NTM: variants seen among roughly 807,000 people sequenced by gnomAD.
The protein encoded by NTM is IgLON family member 2.
In NTM, 13 loss-of-function variants were observed where a neutral mutation model predicts 42.1. The observed-to-expected ratio is 0.31, with a 90% CI of 0.20 to 0.49. The LOEUF (loss-of-function observed/expected upper bound fraction) is 0.49. Ranked by LOEUF, NTM falls within the 20% of genes least tolerant of loss-of-function variation. The pLI, the probability that NTM is intolerant of heterozygous loss-of-function variation, is 0.99. For missense variants in NTM, 373 were observed against 452.8 expected, an observed-to-expected ratio of 0.82 and a Z score of 1.60; for synonymous variants, 187 against 179.2, an observed-to-expected ratio of 1.04 and a Z score of -0.35.
At chr11:132,077,798 C>T (rs1267723383) in intron 2 of NTM, among the ~76,000 whole-genome samples, 1 of 152,194 alleles carries the variant, frequency 6.6e-6, no homozygotes, top group Non-Finnish European at 1.5e-5. Flanking sequence ...AAAGGATCTC[C>T]CTTTGTTGCC....
intron 1 of NTM, among the ~76,000 whole-genome samples, chr11:131,636,753 T>C (rs2064450068): frequency 6.6e-6 from 1 of 152,340 alleles, no homozygotes; most frequent in Non-Finnish European, 1.5e-5. Flanking sequence ...AGTGACTGTA[T>C]GTCTGTGAGG....
chr11:132,079,888 C>T (rs1321042088), intron 2 of NTM, among the ~76,000 whole-genome samples: 5 of 152,100 alleles, frequency 3.3e-5, no homozygotes, highest in African/African-American at 9.7e-5. Flanking sequence ...TATAAGTTTT[C>T]CTTTGCTTGA....
intron 2 of NTM, among the ~76,000 whole-genome samples, chr11:131,974,040 TTC>T (rs2063949443): frequency 6.7e-6 from 1 of 150,264 alleles, no homozygotes; most frequent in Admixed American, 6.7e-5. Context: ...CATATATTTT[TTC>T]TTTCTTGTTA....
At chr11:132,175,066 T>G (rs2076606968) in intron 3 of NTM, among the ~76,000 whole-genome samples, 1 of 152,174 alleles carries the variant, frequency 6.6e-6, no homozygotes, top group Admixed American at 6.5e-5. Context: ...TCTTGGAATG[T>G]GGGAGGCTGC....
intron 1 of NTM, among the ~76,000 whole-genome samples, chr11:131,831,130 C>A (rs961177111): frequency 6.6e-6 from 1 of 152,074 alleles, no homozygotes; most frequent in Non-Finnish European, 1.5e-5. Context: ...AGTTTGACTT[C>A]TTTTTTTCCT....
intron 1 of NTM, among the ~76,000 whole-genome samples, chr11:131,700,085 G>A (rs1056533762): frequency 6.6e-6 from 1 of 151,996 alleles, no homozygotes; most frequent in African/African-American, 2.4e-5. Context: ...TAGTGATGTT[G>A]GGCACAAACT....
At chr11:132,183,495 C>A (rs930711051) in intron 3 of NTM, among the ~76,000 whole-genome samples, 1 of 152,110 alleles carries the variant, frequency 6.6e-6, no homozygotes, top group African/African-American at 2.4e-5. Flanking sequence ...TAGCAGGCAT[C>A]ATAGTTATGA....
intron 4 of NTM, among the ~76,000 whole-genome samples, chr11:132,291,650 G>T (rs957611840): frequency 1.3e-5 from 2 of 152,196 alleles, no homozygotes; most frequent in African/African-American, 4.8e-5. Flanking sequence ...CTAGAACCTA[G>T]CCCTGAGGAG....
intron 2 of NTM, among the ~76,000 whole-genome samples, chr11:131,989,462 A>T (rs2066635226): frequency 6.6e-6 from 1 of 152,188 alleles, no homozygotes; most frequent in African/African-American, 2.4e-5. Flanking sequence ...AACTCATAGG[A>T]ATTATTCACT....
intron 1 of NTM, among the ~76,000 whole-genome samples, chr11:131,629,722 C>T (rs1381603352): frequency 6.6e-6 from 1 of 152,120 alleles, no homozygotes; most frequent in African/African-American, 2.4e-5. Context: ...GAGGACAGAA[C>T]CTCATTTGCT....
intron 1 of NTM, among the ~76,000 whole-genome samples, chr11:131,617,070 A>T (rs2062012626): frequency 6.6e-6 from 1 of 152,144 alleles, no homozygotes; most frequent in Non-Finnish European, 1.5e-5. Flanking sequence ...TATTAGGCAA[A>T]GTCAGAATTG....
At chr11:131,778,298 G>T (rs2087427151) in intron 1 of NTM, among the ~76,000 whole-genome samples, 1 of 152,200 alleles carries the variant, frequency 6.6e-6, no homozygotes, top group African/African-American at 2.4e-5. Flanking sequence ...TGAATGATTT[G>T]CCAAAAGATA....
At chr11:131,960,862 C>G (rs377616170) in intron 2 of NTM, among the ~76,000 whole-genome samples, 16 of 152,214 alleles carry the variant, frequency 1.1e-4, no homozygotes, top group African/African-American at 3.6e-4. Context: ...ATACCTGGAA[C>G]TTTCATCCTG....
rs573873316 is a variant in NTM at position 131,514,340 on chromosome 11, G to A, written c.82+143452G>A. Among the ~76,000 whole-genome samples, 6 of 152,220 alleles carry A rather than the reference G, an allele frequency of 3.9e-5. No homozygotes were observed. In the East Asian group the frequency reaches 1.2e-3, roughly 29 times the overall value. On this transcript the variant is annotated intron_variant, in intron 1 of 8. Transcript: ENST00000683400. Reference sequence around the variant, plus strand: ...CCAAGGAGAAGGAACATTCAGCTGAGTGCCCAGCACGTAATGGCCGTCAAG... The same window carrying A: ...CCAAGGAGAAGGAACATTCAGCTGAATGCCCAGCACGTAATGGCCGTCAAG...
chr11:132,310,031 G>T, intron 5 of NTM, 81 bp from the exon 6 acceptor site: 1 of 1,468,000 alleles, frequency 6.8e-7, no homozygotes, highest in Non-Finnish European at 9.0e-7. Context: ...ATTCCAGCCT[G>T]AGCCACAAGA....
At chr11:131,511,566 C>A (rs932358797) in intron 1 of NTM, among the ~76,000 whole-genome samples, 3 of 152,212 alleles carry the variant, frequency 2.0e-5, no homozygotes, top group African/African-American at 4.8e-5. Flanking sequence ...TTTGTGCTTG[C>A]ACTTGACAAA....
intron 3 of NTM, among the ~76,000 whole-genome samples, chr11:132,176,721 A>ATTTTTTT (rs2076866542): frequency 3.1e-5 from 2 of 65,416 alleles, no homozygotes; most frequent in Admixed American, 1.6e-4. Flanking sequence ...ACATGCCTAA[A>ATTTTTTT]GTTTTTTTTT....
At chr11:132,244,247 T>C (rs1336175248) in intron 4 of NTM, among the ~76,000 whole-genome samples, 1 of 152,184 alleles carries the variant, frequency 6.6e-6, no homozygotes, top group Admixed American at 6.5e-5. Context: ...TGGCCACATA[T>C]GTGTGCTCAT....
intron 3 of NTM, among the ~76,000 whole-genome samples, chr11:132,200,739 G>T (rs1353330938): frequency 8.5e-5 from 13 of 152,204 alleles, no homozygotes; most frequent in Non-Finnish European, 1.5e-4. Context: ...GCGACCACCT[G>T]GGGACAGGGG....
Sources: allele counts gnomAD v4.1 joint callset (sites outside exome capture counted in the v4.1 genomes callset), GRCh38; gene constraint gnomAD v4.1.1; transcripts MANE v1.5; gene names NCBI Gene and HGNC (gene_info 2026-07-23, HGNC 2026-07-21).